Variants in DKK2 observed in about 807,000 individuals in gnomAD.
DKK2 encodes the protein dickkopf-related protein 2.
A neutral mutation model predicts 28.1 loss-of-function variants in DKK2; 11 were observed. The ratio of observed to expected loss-of-function variants is 0.39; its 90% CI spans 0.25 to 0.65. The LOEUF is 0.65. Among genes scored for constraint, DKK2 ranks in the 30% least tolerant of loss-of-function variants. DKK2 has a pLI of 0.47. For synonymous variants in DKK2, 135 were observed against 126.5 expected (o/e 1.07, Z -0.45); for missense variants, 326 against 335.5 (o/e 0.97, Z 0.22).
chr4:107,016,975 T>A (rs980510943), intron 1 of DKK2, among the ~76,000 whole-genome samples: 1 of 151,912 alleles, frequency 6.6e-6, no homozygotes, highest in African/African-American at 2.4e-5. Flanking sequence ...TGGCATGTAG[T>A]GGTATTTAAA....
At chr4:107,014,399 T>C (rs1420501380) in intron 1 of DKK2, among the ~76,000 whole-genome samples, 1 of 151,280 alleles carries the variant, frequency 6.6e-6, no homozygotes, top group Non-Finnish European at 1.5e-5. Flanking sequence ...GAAAGACAAA[T>C]GCTGTATTAT....
intron 1 of DKK2, among the ~76,000 whole-genome samples, chr4:107,014,653 T>A (rs1351300350): frequency 6.6e-6 from 1 of 151,474 alleles, no homozygotes; most frequent in African/African-American, 2.4e-5. Context: ...TTAAAAGTTA[T>A]CCCCACAAAT....
At chr4:106,941,128 TAAAAA>T (rs1444106006) in intron 1 of DKK2, among the ~76,000 whole-genome samples, 8 of 151,336 alleles carry the variant, frequency 5.3e-5, no homozygotes, top group African/African-American at 1.9e-4. Context: ...AATAACAAAA[TAAAAA>T]TAAAATAAAA....
At chr4:107,029,122 A>G (rs1723837926) in intron 1 of DKK2, among the ~76,000 whole-genome samples, 1 of 152,170 alleles carries the variant, frequency 6.6e-6, no homozygotes, top group Non-Finnish European at 1.5e-5. Context: ...TCAGAATAGC[A>G]GCTGGGAGCA....
intron 1 of DKK2, among the ~76,000 whole-genome samples, chr4:106,964,479 T>C (rs1260638352): frequency 1.3e-5 from 2 of 152,126 alleles, no homozygotes; most frequent in African/African-American, 4.8e-5. Context: ...CAATAATTTA[T>C]TGTATTTTTC....
chr4:107,000,351 T>C (rs957771641), intron 1 of DKK2, among the ~76,000 whole-genome samples: 1 of 152,210 alleles, frequency 6.6e-6, no homozygotes, highest in African/African-American at 2.4e-5. Flanking sequence ...ATGAAGAATG[T>C]TGTTTACAAC....
chr4:106,981,599 C>A (rs1723027699), intron 1 of DKK2, among the ~76,000 whole-genome samples: 1 of 152,140 alleles, frequency 6.6e-6, no homozygotes, highest in African/African-American at 2.4e-5. Flanking sequence ...GATCCTCCTT[C>A]TCTCTCCATG....
chr4:106,968,768 G>A (rs1722820368), intron 1 of DKK2, among the ~76,000 whole-genome samples: 1 of 152,074 alleles, frequency 6.6e-6, no homozygotes, highest in African/African-American at 2.4e-5. Flanking sequence ...ATTCCCAAGT[G>A]GTTGTCACAC....
chr4:107,031,437 A>T (rs1370057874), intron 1 of DKK2, among the ~76,000 whole-genome samples: 1 of 152,014 alleles, frequency 6.6e-6, no homozygotes, highest in Non-Finnish European at 1.5e-5. Flanking sequence ...TGCAGTCTAC[A>T]AATATTAGTG....
intron 1 of DKK2, among the ~76,000 whole-genome samples, chr4:107,004,848 G>A (rs1442025531): frequency 1.3e-5 from 2 of 152,140 alleles, no homozygotes; most frequent in Non-Finnish European, 2.9e-5. Context: ...AGGGAGGAAG[G>A]TTTGAGATAT....
At chr4:107,025,285 G>T (rs13136310) in intron 1 of DKK2, among the ~76,000 whole-genome samples, 33,205 of 151,970 alleles carry the variant, frequency 0.22, 4,096 homozygotes, top group East Asian at 0.53. Context: ...TAGTCTAATG[G>T]GTCGGTGGTA....
intron 1 of DKK2, among the ~76,000 whole-genome samples, chr4:107,019,953 C>T (rs1723666682): frequency 6.6e-6 from 1 of 151,688 alleles, no homozygotes; most frequent in Non-Finnish European, 1.5e-5. Context: ...CATCTTGGTC[C>T]CACCATTAGA....
At chr4:106,990,257 A>T (rs1378851180) in intron 1 of DKK2, among the ~76,000 whole-genome samples, 2 of 152,234 alleles carry the variant, frequency 1.3e-5, no homozygotes, top group African/African-American at 4.8e-5. Context: ...TCAAGAGGTC[A>T]ATAGCCACAT....
chr4:106,953,839 A>C (rs975013752), intron 1 of DKK2, among the ~76,000 whole-genome samples: 1 of 152,144 alleles, frequency 6.6e-6, no homozygotes. Context: ...TCAAATTTCT[A>C]TTCATTTACT....
At chr4:106,935,095 G>C (rs1247593524) in intron 1 of DKK2, among the ~76,000 whole-genome samples, 1 of 151,888 alleles carries the variant, frequency 6.6e-6, no homozygotes, top group Non-Finnish European at 1.5e-5. Flanking sequence ...GGTTAAAAAA[G>C]CATGACAAGG....
intron 1 of DKK2, among the ~76,000 whole-genome samples, chr4:107,007,158 A>T (rs537638774): frequency 6.6e-6 from 1 of 152,056 alleles, no homozygotes; most frequent in South Asian, 2.1e-4. Flanking sequence ...CCAGTGGGAG[A>T]TCTTGAATTT....
rs1371419281 is a variant in DKK2, at chr4:106,922,040, T to C, written c.*1914A>G. The C allele has an allele frequency of 6.6e-6, 1 of 152,618 alleles. No homozygotes were observed. The highest frequency in any genetic ancestry group is 6.6e-5 in the Admixed American group (1 of 15,256). The allele number at this position is 152,618 out of a possible 1,614,324, so 9.5% of individuals were successfully genotyped here. ...CAAATTGTAAATATAATAATTGTTA[T>C]ATAGGAAATGTTTGATTGAAATGTT... On this transcript the variant is annotated 3_prime_UTR_variant, in exon 4 of 4. Coordinates refer to ENST00000285311, the MANE Select transcript of DKK2 (RefSeq NM_014421.3).
chr4:107,023,106 T>C (rs1172662076), intron 1 of DKK2, among the ~76,000 whole-genome samples: 1 of 152,122 alleles, frequency 6.6e-6, no homozygotes, highest in Non-Finnish European at 1.5e-5. Context: ...TCCTTGGCCT[T>C]ATTTTTGCCA....
chr4:106,972,396 C>T (rs559665541), intron 1 of DKK2, among the ~76,000 whole-genome samples: 1 of 149,820 alleles, frequency 6.7e-6, no homozygotes, highest in South Asian at 2.1e-4. Flanking sequence ...ATGTTATTAT[C>T]TTTCCAGGTT....
Sources: gnomAD v4.1 joint callset for allele counts (sites outside exome capture counted in the v4.1 genomes callset) on GRCh38, gnomAD v4.1.1 for gene constraint, MANE v1.5 for transcripts, NCBI Gene and HGNC (gene_info 2026-07-23, HGNC 2026-07-21) for gene names.